The following CTSH variants were observed in gnomAD, a reference collection of about 807,000 sequenced individuals.
CTSH encodes the protein cathepsin H, also known as pro-cathepsin H.
A neutral mutation model predicts 56.3 loss-of-function variants in CTSH; 52 were observed. The ratio of observed to expected loss-of-function variants is 0.92; its 90% CI spans 0.74 to 1.16. The LOEUF (loss-of-function observed/expected upper bound fraction) is 1.16. CTSH is among the 50% of genes most tolerant of loss of function. The probability of loss-of-function intolerance (pLI) is 0.00; values close to 1 mark genes in which losing one functional copy is unlikely to be tolerated. For synonymous variants in CTSH, 174 were observed against 155.7 expected (o/e 1.12, Z -0.88); for missense variants, 406 against 424.5 (o/e 0.96, Z 0.38).
At chr15:78,931,138 T>C (rs991929950) in intron 7 of CTSH, among the ~76,000 whole-genome samples, 1 of 151,916 alleles carries the variant, frequency 6.6e-6, no homozygotes, top group Admixed American at 6.6e-5. Flanking sequence ...TAATGGTGTG[T>C]TGCTCACTCT....
chr15:78,944,532 G>T, intron 1 of CTSH: 1 of 193,294 alleles, frequency 5.2e-6, no homozygotes, highest in Non-Finnish European at 1.1e-5. Context: ...GGACGTCCTT[G>T]CTCACCTCTG....
rs757263505 is a variant in CTSH, at chr15:78,922,220, G to A, written c.933-15C>T. The A allele has an allele frequency of 1.6e-5, 25 of 1,564,498 alleles. No individual in the cohort carries two copies. The highest frequency in any genetic ancestry group is 5.4e-5 in the African/African-American group (4 of 73,892). ...TGAGGAAGTACCTGGGCAGAAAGAG[G>A]AGCTGAGGCCCGGCCGGCGGTCTCC... On this transcript the variant is annotated splice_polypyrimidine_tract_variant and intron_variant, in intron 11 of 11. Transcript: ENST00000220166.
rs10689092 is a variant in CTSH at position 78,924,852 on chromosome 15, C to CTT, written c.806+480_806+481dup. Among the ~76,000 whole-genome samples, 395 of 135,778 alleles carry CTT rather than the reference C, an allele frequency of 2.9e-3. 2 individuals are homozygous for CTT. Among genetic ancestry groups the CTT allele is most frequent in the Non-Finnish European group, 4.8e-3 (300 of 63,076 alleles). The allele number at this position is 135,778 out of a possible 152,430, so 89.1% of individuals were successfully genotyped here. ...TTATAGGCATGCACCACCACGCTGG[C>CTT]TTTTTTTTTTTTTTTGTATTTTTAG... On this transcript the variant is annotated intron_variant, in intron 10 of 11. Transcript: ENST00000220166.
chr15:78,923,412 C>G (rs1313088207), intron 10 of CTSH, among the ~76,000 whole-genome samples: 1 of 152,200 alleles, frequency 6.6e-6, no homozygotes, highest in African/African-American at 2.4e-5. Flanking sequence ...GCCTCAGACT[C>G]CCGAGTAGCC....
chr15:78,929,302 T>C, intron 8 of CTSH, 110 bp downstream of exon 8: 1 of 834,734 alleles, frequency 1.2e-6, no homozygotes, highest in Non-Finnish European at 2.0e-6. Context: ...ATTGTGAGAA[T>C]TCCGGCGGGA....
Position 78,924,160 on chromosome 15 carries a change from C to T in CTSH, c.807-1042G>A, listed in dbSNP as rs532251284. On this transcript the variant is annotated intron_variant, in intron 10 of 11. Transcript: ENST00000220166. ...GGCTCCCTGTGGAGGCGGGGAACGC[C>T]CATGGAACTGCGAACCCTTCTGCGT... Among the ~76,000 whole-genome samples, 22 of 148,904 alleles carry T rather than the reference C, an allele frequency of 1.5e-4. 1 individual carries two copies. In the East Asian group the frequency reaches 2.0e-3, roughly 13 times the overall value.
intron 5 of CTSH, chr15:78,933,527 C>G: frequency 2.2e-6 from 1 of 455,406 alleles, no homozygotes; most frequent in South Asian, 1.6e-5. Flanking sequence ...TGGCCTCACC[C>G]AATCTCTTCC....
In CTSH at chr15:78,922,192, C is replaced by T. The variant is rs767948496; in HGVS notation, c.946G>A (p.Glu316Lys). 2.0e-5 allele frequency: 31 copies of T among 1,579,842 alleles called. No individual in the cohort carries two copies. The highest frequency in any genetic ancestry group is 1.6e-4 in the Admixed American group (9 of 54,854). The stretch of plus-strand genomic sequence containing the variant: ...AGGCCACACATGTTCTTTCCGCGCT[C>T]GATGAGGAAGTACCTGGGCAGAAAG... ...QWGMNGYFLI[E>K]RGKNMCGLAA... Residue 316 changes from glutamate to lysine, a missense_variant, in exon 12 of 12, where the codon GAG becomes AAG. Transcript: ENST00000220166.
At chr15:78,929,984 C>T (rs1317802118) in intron 7 of CTSH, among the ~76,000 whole-genome samples, 1 of 152,192 alleles carries the variant, frequency 6.6e-6, no homozygotes, top group African/African-American at 2.4e-5. Context: ...CATGTGGCCT[C>T]CCAGAATAAA....
chr15:78,930,060 C>T (rs1014202956), intron 7 of CTSH, among the ~76,000 whole-genome samples: 1 of 152,192 alleles, frequency 6.6e-6, no homozygotes, highest in African/African-American at 2.4e-5. Context: ...CATTCCGCAC[C>T]GCCTGACCTA....
At chr15:78,937,746 G>A (rs2055206838) in intron 2 of CTSH, 1 of 1,331,524 alleles carries the variant, frequency 7.5e-7, no homozygotes. Flanking sequence ...TTACAGCAAA[G>A]ATCACCATTT....
At chr15:78,927,971 G>T (rs911456042) in intron 8 of CTSH, among the ~76,000 whole-genome samples, 190 bp from the exon 9 acceptor site, 3 of 152,210 alleles carry the variant, frequency 2.0e-5, no homozygotes, top group African/African-American at 7.2e-5. Context: ...GTCCTGTGCT[G>T]GCTTTGGCAG....
At chr15:78,937,863 T>C in intron 2 of CTSH, 1 of 1,208,844 alleles carries the variant, frequency 8.3e-7, no homozygotes, top group Non-Finnish European at 1.1e-6. Flanking sequence ...GATATATAAC[T>C]GATGTACTTT....
chr15:78,944,283 GA>G (rs1265517075), intron 1 of CTSH, among the ~76,000 whole-genome samples: 2 of 152,250 alleles, frequency 1.3e-5, no homozygotes, highest in Non-Finnish European at 2.9e-5. Flanking sequence ...AGGGCAGCAC[GA>G]AGCTGGACCA....
rs750371155 is a variant in CTSH, at chr15:78,922,996, T to G, written c.929A>C (p.Asn310Thr). 6.2e-7 allele frequency: 1 copy of G among 1,609,508 alleles called. No homozygotes were observed. The highest frequency in any genetic ancestry group is 8.5e-7 in the Non-Finnish European group (1 of 1,178,724). ...KNSWGPQWGM[N>T]GYFLIERGKN... is the part of the protein sequence containing the mutation. ...GTGGGACCTGGGAGCTGCTTACCCG[T>G]TCATTCCCCACTGGGGACCCCAAGA... is the stretch of plus-strand genomic sequence containing the variant. The change falls in exon 11 of 12, where the codon AAC becomes ACC. Residue 310 changes from asparagine to threonine, a missense_variant. By Grantham distance (65) the Asn-to-Thr change is moderately conservative. Transcript: ENST00000220166.
intron 4 of CTSH, 75 bp from the exon 5 acceptor site, chr15:78,935,157 T>C: frequency 1.0e-6 from 1 of 968,006 alleles, no homozygotes; most frequent in South Asian, 1.4e-5. Context: ...GAAGAAGAAA[T>C]GTATAAACAT....
At chr15:78,931,984 G>C (rs2055071010) in intron 6 of CTSH, 1 of 1,151,870 alleles carries the variant, frequency 8.7e-7, no homozygotes, top group African/African-American at 1.6e-5. Flanking sequence ...CGTCTCTTGT[G>C]GGCGAGGGGA....
chr15:78,924,405 G>A (rs966857660), intron 10 of CTSH, among the ~76,000 whole-genome samples: 1 of 152,096 alleles, frequency 6.6e-6, no homozygotes, highest in Admixed American at 6.5e-5. Flanking sequence ...GGGTTAGGGG[G>A]TCCAAGGACA....
Position 78,937,290 on chromosome 15 carries a change from CAGGA to C in CTSH, c.229+24_229+27del, listed in dbSNP as rs1448199217. The C allele has an allele frequency of 5.0e-6, 8 of 1,593,416 alleles. No individual in the cohort carries two copies. In the African/African-American group the frequency reaches 5.4e-5, roughly 11 times the overall value. On this transcript the variant is annotated intron_variant, in intron 3 of 11. Transcript: ENST00000220166. ...GCTGGGTCACTAACTGACATCCTTC[CAGGA>C]AGGAAGGAAGGCGTTCCACGTACTT...
Sources: gnomAD v4.1 joint callset for allele counts (sites outside exome capture counted in the v4.1 genomes callset) on GRCh38, gnomAD v4.1.1 for gene constraint, MANE v1.5 for transcripts, NCBI Gene and HGNC (gene_info 2026-07-23, HGNC 2026-07-21) for gene names.